ARL15: variants seen among roughly 807,000 people sequenced by gnomAD.
ARL15 encodes the protein ARF like GTPase 15.
ARL15 carries 19 observed loss-of-function variants against 25.2 expected under a neutral mutation model. The observed-to-expected ratio is 0.75, with a 90% CI of 0.53 to 1.10. The LOEUF (loss-of-function observed/expected upper bound fraction) is 1.10. Ranked by LOEUF, ARL15 falls within the 50% of genes least tolerant of loss-of-function variation. The pLI is 0.00. For missense variants in ARL15, 220 were observed against 246.0 expected, an observed-to-expected ratio of 0.89 and a Z score of 0.71; for synonymous variants, 94 against 86.8, an observed-to-expected ratio of 1.08 and a Z score of -0.46.
chr5:53,970,486 AAGAGAGAGAGAGAGGG>A lies in ARL15; in HGVS notation c.463-83789_463-83774del, dbSNP rs1362207240. ...TAGCAGAGAGTGAGAATGAGTGAGAAAGAGAGAGAGAGAGGGAGAGAGAGAGAGCGAGAGAGAACTC... is the reference window on the plus strand; with the variant it reads ...TAGCAGAGAGTGAGAATGAGTGAGAAAGAGAGAGAGAGCGAGAGAGAACTC... On this transcript the variant is annotated intron_variant, in intron 4 of 4. Transcript: ENST00000504924. 2.4e-4 allele frequency among the ~76,000 whole-genome samples: 37 copies of A among 151,432 alleles called. No individual in the cohort carries two copies. In the East Asian group the frequency reaches 7.2e-3, roughly 29 times the overall value.
At chr5:54,231,112 C>T (rs190033971) in intron 1 of ARL15, among the ~76,000 whole-genome samples, 102 of 150,292 alleles carry the variant, frequency 6.8e-4, no homozygotes, top group Non-Finnish European at 2.7e-4. Flanking sequence ...AATGTTTCCA[C>T]GTGGATATCC....
chr5:54,180,788 T>A (rs1220651027), intron 1 of ARL15, among the ~76,000 whole-genome samples: 1 of 152,222 alleles, frequency 6.6e-6, no homozygotes, highest in Non-Finnish European at 1.5e-5. Flanking sequence ...TGCTTTGTTC[T>A]GGGCTGTCTC....
In ARL15 at chr5:53,997,276, C is replaced by T. The variant is rs538496657; in HGVS notation, c.463-110563G>A. Among the ~76,000 whole-genome samples, 13 of 152,224 alleles carry T rather than the reference C, an allele frequency of 8.5e-5. 1 individual carries two copies. In the South Asian group the frequency reaches 2.1e-3, roughly 24 times the overall value. On this transcript the variant is annotated intron_variant, in intron 4 of 4. Transcript: ENST00000504924. ...CTGAGCTCCTCAACTCTGGGCTCGT[C>T]GTTCTTCATTTCTTGATATGTGCCC...
intron 4 of ARL15, among the ~76,000 whole-genome samples, chr5:54,051,463 A>C (rs1486825662): frequency 6.6e-6 from 1 of 152,176 alleles, no homozygotes; most frequent in Non-Finnish European, 1.5e-5. Context: ...AATACATGTA[A>C]CAAATATAAA....
In ARL15 at chr5:54,057,528, C is replaced by T. The variant is rs564723365; in HGVS notation, c.462+55674G>A. ...TAGTAGCATACTCAAATTGCAATAA[C>T]CCACAGAAATTGTATAGCACCATTT... On this transcript the variant is annotated intron_variant, in intron 4 of 4. Coordinates refer to ENST00000504924, the MANE Select transcript of ARL15 (RefSeq NM_019087.3). Among the ~76,000 whole-genome samples, 4 of 152,246 alleles carry T rather than the reference C, an allele frequency of 2.6e-5. No homozygotes were observed. In the South Asian group the frequency reaches 6.2e-4, roughly 24 times the overall value.
At chr5:54,052,418 C>T (rs1750730160) in intron 4 of ARL15, among the ~76,000 whole-genome samples, 1 of 152,100 alleles carries the variant, frequency 6.6e-6, no homozygotes, top group Non-Finnish European at 1.5e-5. Context: ...AACTAAGTAA[C>T]TCTTGAAGAA....
chr5:54,280,741 T>G (rs577369825), intron 1 of ARL15, among the ~76,000 whole-genome samples: 3 of 152,368 alleles, frequency 2.0e-5, no homozygotes, highest in East Asian at 3.9e-4. Flanking sequence ...TTCATGTAAA[T>G]ATTTTTAAGT....
chr5:53,916,053 C>T (rs1252374534), intron 4 of ARL15, among the ~76,000 whole-genome samples: 2 of 152,100 alleles, frequency 1.3e-5, no homozygotes, highest in African/African-American at 4.8e-5. Context: ...ACTGCAGGCA[C>T]ACACTATTGC....
chr5:53,990,083 C>G (rs549326510), intron 4 of ARL15, among the ~76,000 whole-genome samples: 84 of 152,052 alleles, frequency 5.5e-4, no homozygotes, highest in African/African-American at 1.8e-3. Context: ...TAAAAATTTG[C>G]TGGGCATGGT....
chr5:54,105,373 TACA>T (rs896451567), intron 4 of ARL15, among the ~76,000 whole-genome samples: 11 of 152,102 alleles, frequency 7.2e-5, no homozygotes, highest in Admixed American at 7.2e-4. Context: ...AGATCACCAC[TACA>T]ACAACACAAA....
intron 4 of ARL15, among the ~76,000 whole-genome samples, chr5:53,968,134 C>T (rs1747624306): frequency 6.6e-6 from 1 of 152,086 alleles, no homozygotes; most frequent in Non-Finnish European, 1.5e-5. Flanking sequence ...GGTTTCGTCT[C>T]TTTAATATAA....
intron 4 of ARL15, among the ~76,000 whole-genome samples, chr5:54,069,043 T>A (rs954185170): frequency 2.0e-5 from 3 of 152,222 alleles, no homozygotes; most frequent in African/African-American, 4.8e-5. Flanking sequence ...TTTTAAAGAA[T>A]CATGGGACTT....
chr5:53,942,259 T>C (rs1374956983), intron 4 of ARL15, among the ~76,000 whole-genome samples: 3 of 151,628 alleles, frequency 2.0e-5, no homozygotes, highest in Non-Finnish European at 1.5e-5. Flanking sequence ...TGGAAAACAA[T>C]GGGGGAGAAG....
intron 1 of ARL15, among the ~76,000 whole-genome samples, chr5:54,213,732 T>C (rs1262461395): frequency 6.6e-6 from 1 of 152,152 alleles, no homozygotes; most frequent in African/African-American, 2.4e-5. Context: ...CTTCAATAAA[T>C]GGGTCATAAT....
rs140735932 is a variant in ARL15, at chr5:54,072,272, C to T, written c.462+40930G>A. Reference sequence around the variant, plus strand: ...CTGTACTCCCAGTTCTCTCCACACACGGGCTTGGTTGAACAGATTTTGAAC... The same window carrying T: ...CTGTACTCCCAGTTCTCTCCACACATGGGCTTGGTTGAACAGATTTTGAAC... On this transcript the variant is annotated intron_variant, in intron 4 of 4. Transcript: ENST00000504924. Among the ~76,000 whole-genome samples, 774 of 152,286 alleles carry T rather than the reference C, an allele frequency of 5.1e-3. 13 individuals carry two copies. Among genetic ancestry groups the T allele is most frequent in the African/African-American group, 0.016 (673 of 41,550 alleles).
At chr5:54,125,313 C>T (rs547431324) in intron 3 of ARL15, among the ~76,000 whole-genome samples, 155 of 152,132 alleles carry the variant, frequency 1.0e-3, no homozygotes, top group African/African-American at 3.5e-3. Flanking sequence ...GGATTACAGG[C>T]GTGAGCCACC....
At chr5:54,260,260 G>C (rs1579959646) in intron 1 of ARL15, among the ~76,000 whole-genome samples, 3 of 152,166 alleles carry the variant, frequency 2.0e-5, no homozygotes, top group Non-Finnish European at 2.9e-5. Flanking sequence ...ATGCAAACCA[G>C]CTTCTCTGTA....
At chr5:54,269,443 G>A (rs558217002) in intron 1 of ARL15, among the ~76,000 whole-genome samples, 23 of 152,000 alleles carry the variant, frequency 1.5e-4, no homozygotes, top group Middle Eastern at 3.4e-3. Flanking sequence ...TCCTGTGGCC[G>A]TAAGTTTTCA....
intron 4 of ARL15, among the ~76,000 whole-genome samples, chr5:54,107,318 CA>C (rs1752620694): frequency 6.6e-6 from 1 of 152,066 alleles, no homozygotes; most frequent in Non-Finnish European, 1.5e-5. Context: ...CAAACTACAT[CA>C]GGGGTTTTCC....
Sources: allele counts gnomAD v4.1 joint callset (sites outside exome capture counted in the v4.1 genomes callset), GRCh38; gene constraint gnomAD v4.1.1; transcripts MANE v1.5; gene names NCBI Gene and HGNC (gene_info 2026-07-23, HGNC 2026-07-21).